FANCC: variants seen among roughly 807,000 people sequenced by gnomAD.
The protein encoded by FANCC is FA complementation group C.
A neutral mutation model predicts 71.3 loss-of-function variants in FANCC; 55 were observed. That is an observed-to-expected ratio of 0.77 (90% CI 0.62 to 0.97). FANCC has a LOEUF of 0.97. FANCC is among the 50% of genes least tolerant of loss of function. FANCC has a pLI of 0.00. For synonymous variants in FANCC, 275 were observed against 244.9 expected, an observed-to-expected ratio of 1.12 and a Z score of -1.15; for missense variants, 678 against 670.9, an observed-to-expected ratio of 1.01 and a Z score of -0.12.
chr9:95,274,998 C>G (rs1420727454), intron 1 of FANCC, among the ~76,000 whole-genome samples: 2 of 151,620 alleles, frequency 1.3e-5, no homozygotes, highest in Admixed American at 1.3e-4. Context: ...GGCGTGGTGG[C>G]TCATGCTTGT....
At chr9:95,293,188 T>G in intron 1 of FANCC, 2 of 1,612,472 alleles carry the variant, frequency 1.2e-6, no homozygotes, top group South Asian at 2.2e-5. Context: ...GACTCTTTCT[T>G]ACAACATCAC....
At chr9:95,240,056 G>A (rs1216933801) in intron 4 of FANCC, among the ~76,000 whole-genome samples, 2 of 152,158 alleles carry the variant, frequency 1.3e-5, no homozygotes, top group African/African-American at 4.8e-5. Flanking sequence ...TACCCTTCAG[G>A]AGAAAGTAGA....
Position 95,247,443 on chromosome 9 carries a change from A to G in FANCC, c.239T>C (p.Ile80Thr), listed in dbSNP as rs4647419. 13 of 1,612,724 alleles carry G rather than the reference A, an allele frequency of 8.1e-6. No individual in the cohort carries two copies. The East Asian group carries it at 2.5e-4, about 30-fold the overall frequency. Residue 80 changes from isoleucine to threonine, a missense_variant, in exon 3 of 15, where the codon ATT becomes ACT. Coordinates refer to ENST00000289081, the MANE Select transcript of FANCC (RefSeq NM_000136.3). ...TTTTTGATTCTTACCATATGCTAAA[A>G]TAAAAGGATTCCAACAAGCTTTTGC... The part of the protein sequence containing the change: ...LLAKACWNPF[I>T]LAYDESQKIL...
intron 1 of FANCC, among the ~76,000 whole-genome samples, chr9:95,264,797 T>C (rs973327554): frequency 1.3e-5 from 2 of 152,180 alleles, no homozygotes; most frequent in African/African-American, 2.4e-5. Flanking sequence ...AGAAAATATT[T>C]AAAACCCCCT....
intron 1 of FANCC, chr9:95,294,914 A>G (rs1834278946): frequency 2.8e-6 from 3 of 1,056,260 alleles, no homozygotes; most frequent in Middle Eastern, 2.5e-4. Flanking sequence ...GTGGCTGATG[A>G]TGCAGTTGCT....
At chr9:95,248,247 G>A (rs356666) in intron 2 of FANCC, among the ~76,000 whole-genome samples, 28,934 of 151,936 alleles carry the variant, frequency 0.19, 2,892 homozygotes, top group East Asian at 0.3. Flanking sequence ...CAGGTAAGCC[G>A]ACACAATGGG....
chr9:95,139,823 T>TGA (rs1013423340), intron 7 of FANCC, among the ~76,000 whole-genome samples: 3 of 146,058 alleles, frequency 2.1e-5, no homozygotes, highest in African/African-American at 7.6e-5. Flanking sequence ...ACAAAATGAA[T>TGA]ATATATATAT....
intron 7 of FANCC, chr9:95,142,667 A>G (rs1419088303): frequency 6.6e-6 from 1 of 152,120 alleles, no homozygotes; most frequent in Non-Finnish European, 1.5e-5. Context: ...CTGTTATCCC[A>G]CTATACTTAT....
chr9:95,117,465 G>A, intron 10 of FANCC, 75 bp from the exon 11 acceptor site: 1 of 1,239,312 alleles, frequency 8.1e-7, no homozygotes, highest in South Asian at 1.3e-5. Context: ...AAAACTCTGA[G>A]TCCTCTGCCC....
intron 7 of FANCC, among the ~76,000 whole-genome samples, chr9:95,139,256 C>G (rs1346057743): frequency 6.6e-6 from 1 of 152,158 alleles, no homozygotes; most frequent in Non-Finnish European, 1.5e-5. Flanking sequence ...TCAGTTTCAC[C>G]CTCTCCGTGT....
At chr9:95,103,796 A>G (rs2071236785) in intron 14 of FANCC, among the ~76,000 whole-genome samples, 1 of 152,240 alleles carries the variant, frequency 6.6e-6, no homozygotes, top group Admixed American at 6.5e-5. Flanking sequence ...GAGGCCACAC[A>G]GGAGGCAGGC....
chr9:95,123,519 A>G (rs1356978686), intron 10 of FANCC: 1 of 496,396 alleles, frequency 2.0e-6, no homozygotes, highest in Non-Finnish European at 4.0e-6. Flanking sequence ...CGTGCCTCCA[A>G]TATGATGAAA....
At chr9:95,294,367 T>C (rs542866452) in intron 1 of FANCC, 4 of 1,592,536 alleles carry the variant, frequency 2.5e-6, no homozygotes, top group African/African-American at 1.3e-5. Context: ...AACGGACTTC[T>C]TACTCGCAGA....
At chr9:95,291,625 A>G (rs1444362633) in intron 1 of FANCC, among the ~76,000 whole-genome samples, 1 of 152,172 alleles carries the variant, frequency 6.6e-6, no homozygotes, top group South Asian at 2.1e-4. Context: ...ACAGATTGGA[A>G]GAATTCGTAT....
chr9:95,215,813 A>C (rs1161431867), intron 4 of FANCC, among the ~76,000 whole-genome samples: 1 of 152,228 alleles, frequency 6.6e-6, no homozygotes, highest in African/African-American at 2.4e-5. Flanking sequence ...GTAAGCACGG[A>C]GGTGACTCCA....
At chr9:95,157,963 T>A (rs1830538408) in intron 6 of FANCC, among the ~76,000 whole-genome samples, 1 of 152,178 alleles carries the variant, frequency 6.6e-6, no homozygotes, top group South Asian at 2.1e-4. Context: ...TCCCCAGTAA[T>A]AATCTCTGAC....
chr9:95,135,221 C>A, intron 8 of FANCC, 125 bp downstream of exon 8: 1 of 941,444 alleles, frequency 1.1e-6, no homozygotes, highest in East Asian at 2.5e-5. Flanking sequence ...TGTAAATACA[C>A]GATTATATAT....
rs186382963 is a variant in FANCC at position 95,106,939 on chromosome 9, C to T, written c.1533+127G>A. On this transcript the variant is annotated intron_variant, in intron 14 of 14. Transcript: ENST00000289081. ...CCATCCCAGCTGTCAACCTCCTTGA[C>T]CATTTATCTGTGCTGGGCAGCATCC... The T allele has an allele frequency of 9.8e-5, 89 of 912,630 alleles. No homozygotes were observed. In the African/African-American group the frequency reaches 1.3e-3, roughly 13 times the overall value. The allele number at this position is 912,630 out of a possible 1,614,324, so 56.5% of individuals were successfully genotyped here.
At chr9:95,208,263 A>G (rs1828271029) in intron 4 of FANCC, among the ~76,000 whole-genome samples, 1 of 151,502 alleles carries the variant, frequency 6.6e-6, no homozygotes, top group African/African-American at 2.4e-5. Flanking sequence ...ACACCTGGCT[A>G]ATTTTGTATT....
Sources: allele counts gnomAD v4.1 joint callset (sites outside exome capture counted in the v4.1 genomes callset), GRCh38; gene constraint gnomAD v4.1.1; transcripts MANE v1.5; gene names NCBI Gene and HGNC (gene_info 2026-07-23, HGNC 2026-07-21).